GGT7: variants seen among roughly 807,000 people sequenced by gnomAD.
GGT7 encodes glutathione hydrolase 7.
GGT7 carries 30 observed loss-of-function variants against 69.2 expected under a neutral mutation model. The ratio of observed to expected loss-of-function variants is 0.43; its 90% CI spans 0.32 to 0.59. The LOEUF (loss-of-function observed/expected upper bound fraction) is 0.59, where lower values mean the gene tolerates loss of function less well. Among genes scored for constraint, GGT7 ranks in the 20% least tolerant of loss-of-function variants. The pLI, the probability that GGT7 is intolerant of heterozygous loss-of-function variation, is 0.05. For missense variants in GGT7, 733 were observed against 901.1 expected (o/e 0.81, Z 2.39); for synonymous variants, 388 against 391.8 (o/e 0.99, Z 0.12).
At chr20:34,846,546 G>A (rs975966410) in intron 14 of GGT7, among the ~76,000 whole-genome samples, 5 of 151,960 alleles carry the variant, frequency 3.3e-5, no homozygotes, top group African/African-American at 4.8e-5. Flanking sequence ...CTGACCTCAG[G>A]TGATCTGCCC....
intron 1 of GGT7, among the ~76,000 whole-genome samples, chr20:34,870,365 T>C (rs909764643): frequency 6.6e-6 from 1 of 152,208 alleles, no homozygotes; most frequent in African/African-American, 2.4e-5. Flanking sequence ...TGCTCTCTCC[T>C]ACCATTCTTT....
chr20:34,846,312 C>CTTTCTT (rs149165215), intron 14 of GGT7, among the ~76,000 whole-genome samples: 36 of 119,382 alleles, frequency 3.0e-4, no homozygotes, highest in Admixed American at 3.0e-3. Flanking sequence ...TTCTTTCTTT[C>CTTTCTT]TTTTTTTTGA....
At position 34,859,585 on chromosome 20, in the gene GGT7, G is replaced by T; in HGVS notation, c.872C>A (p.Thr291Lys). 6.2e-7 allele frequency: 1 copy of T among 1,603,328 alleles called. No homozygotes were observed. Among genetic ancestry groups the T allele is most frequent in the Non-Finnish European group, 8.5e-7 (1 of 1,175,256 alleles). Residue 291 changes from threonine (T) to lysine (K), a missense_variant, in exon 7 of 15, where the codon ACG (threonine) becomes AAG (lysine). Transcript: ENST00000336431. ...TGGCGGGCGGCCCGATGGCAGGAAC[G>T]TCTCCCGGAAGCGCTCGGACATGTT... ...PPNMSERFRETFLPSGRPPLP... is the reference protein window; with the variant it reads ...PPNMSERFREKFLPSGRPPLP...
At chr20:34,869,326 C>T (rs2079743493) in intron 1 of GGT7, among the ~76,000 whole-genome samples, 1 of 152,106 alleles carries the variant, frequency 6.6e-6, no homozygotes, top group African/African-American at 2.4e-5. Flanking sequence ...CATGCACCAC[C>T]ACACCTGGCT....
chr20:34,870,636 T>C (rs2079763067), intron 1 of GGT7, among the ~76,000 whole-genome samples: 1 of 151,702 alleles, frequency 6.6e-6, no homozygotes, highest in African/African-American at 2.4e-5. Flanking sequence ...GGCTAATTTT[T>C]TTTTTTTGTA....
At chr20:34,872,584 C>T in intron 1 of GGT7, 63 bp downstream of exon 1, 1 of 1,174,922 alleles carries the variant, frequency 8.5e-7, no homozygotes, top group Non-Finnish European at 1.1e-6. Context: ...GGATGCTTGA[C>T]ACAGAAGAAG....
rs759597912 is a variant in GGT7 at position 34,852,460 on chromosome 20, T to C, written c.1398A>G (p.Glu466=). Residue 466 remains glutamate (E), a synonymous_variant, in exon 11 of 15, where the codon GAA becomes GAG. Transcript: ENST00000336431. ...GGGCAGCCGTGGGAGCTCCGTCTAG[T>C]TCATAGACAGGCAGGAGTGGGGCAG... The part of the protein sequence containing the change: ...AAPAPLLPVY[E]LDGAPTAAQV... The C allele has an allele frequency of 6.2e-7, 1 of 1,613,090 alleles. No individual in the cohort carries two copies. Among genetic ancestry groups the C allele is most frequent in the Non-Finnish European group, 8.5e-7 (1 of 1,179,578 alleles).
At chr20:34,847,787 G>A (rs1489636647) in intron 14 of GGT7, among the ~76,000 whole-genome samples, 1 of 152,124 alleles carries the variant, frequency 6.6e-6, no homozygotes, top group Non-Finnish European at 1.5e-5. Flanking sequence ...ATGATATAAG[G>A]TCTATTTTTA....
intron 7 of GGT7, 101 bp downstream of exon 7, chr20:34,859,342 G>C: frequency 3.7e-6 from 3 of 810,810 alleles, no homozygotes; most frequent in Non-Finnish European, 5.6e-6. Context: ...AATATAGAAA[G>C]AAAGGGAGGG....
Position 34,863,853 on chromosome 20 carries a change from T to C in GGT7, c.170-305A>G. ...AGGGCTGAGAACACTTCCTGGGGGG[T>C]GGGGTGGGGGTTCCAGCCCTCAGTG... On this transcript the variant is annotated intron_variant, in intron 1 of 14. Coordinates refer to ENST00000336431, the MANE Select transcript of GGT7 (RefSeq NM_178026.3). This position sits in a 1 kb window ranked among gnomAD's most constrained non-coding sequence, Gnocchi z 4.4. 1.8e-6 allele frequency: 1 copy of C among 567,228 alleles called. No individual in the cohort carries two copies. Among genetic ancestry groups the C allele is most frequent in the South Asian group, 1.8e-5 (1 of 56,564 alleles). The allele number at this position is 567,228 out of a possible 1,614,324, so 35.1% of individuals were successfully genotyped here. A position where few individuals can be genotyped will look rare whatever the true frequency, so the allele number is the denominator to read the frequency against.
chr20:34,857,129 G>A (rs2079506799), intron 7 of GGT7, among the ~76,000 whole-genome samples: 1 of 152,136 alleles, frequency 6.6e-6, no homozygotes, highest in Admixed American at 6.6e-5. Flanking sequence ...TACATTCCAT[G>A]AATGACCTCC....
rs3746452 is a variant in GGT7, at chr20:34,856,843, G to A, written c.1065C>T (p.Ser355=). ...VITEEDFSNY[S]ALVEKPVCGV... is the part of the protein sequence containing the mutation. ...CACACACAGGCTTCTCCACAAGGGC[G>A]CTGTAATTGCTGAAGTCCTCTTCGG... The change falls in exon 8 of 15, where the codon AGC becomes AGT. Residue 355 remains serine, a synonymous_variant. Transcript: ENST00000336431. The A allele has an allele frequency of 2.6e-4, 419 of 1,611,464 alleles. 3 individuals carry two copies. In the East Asian group the frequency reaches 9.0e-3, roughly 34 times the overall value.
chr20:34,872,700 G>A lies in GGT7; in HGVS notation c.116C>T (p.Ala39Val). 6.8e-7 allele frequency: 1 copy of A among 1,480,144 alleles called. No individual in the cohort carries two copies. Among genetic ancestry groups the A allele is most frequent in the Non-Finnish European group, 8.9e-7 (1 of 1,119,812 alleles). The allele number at this position is 1,480,144 out of a possible 1,614,324, so 91.7% of individuals were successfully genotyped here. A position where few individuals can be genotyped will look rare whatever the true frequency, so the allele number is the denominator to read the frequency against. ...RLPEDEPAPA[A>V]PLRGRKDEDA... The stretch of plus-strand genomic sequence containing the variant: ...CTCGTCCTTGCGGCCCCTCAGCGGG[G>A]CCGCGGGCGCCGGCTCGTCCTCGGG... The change falls in exon 1 of 15, where the codon GCC becomes GTC. Residue 39 changes from alanine (A) to valine (V), a missense_variant. Transcript: ENST00000336431.
Position 34,862,938 on chromosome 20 carries a change from C to T in GGT7, c.433G>A (p.Asp145Asn). The T allele has an allele frequency of 2.5e-6, 4 of 1,613,624 alleles. No individual in the cohort carries two copies. Among genetic ancestry groups the T allele is most frequent in the South Asian group, 1.1e-5 (1 of 91,016 alleles). Residue 145 changes from aspartate to asparagine, a missense_variant, in exon 3 of 15, where the codon GAT becomes AAT. Physicochemically the swap from Asp to Asn is conservative, Grantham distance 23. Coordinates refer to ENST00000336431, the MANE Select transcript of GGT7 (RefSeq NM_178026.3). ...CCCAGTGAAGTGCAGCGGGCAGCAT[C>T]GGTCACCACGGCACCCTGCTGGAAG... ...QIFQQGAVVTDAARCTSLGIE... is the reference protein window; with the variant it reads ...QIFQQGAVVTNAARCTSLGIE...
intron 7 of GGT7, among the ~76,000 whole-genome samples, chr20:34,857,387 A>G (rs1357604139): frequency 6.6e-6 from 1 of 152,188 alleles, no homozygotes; most frequent in Non-Finnish European, 1.5e-5. Flanking sequence ...TAAAGCCACT[A>G]GAAAACCATG....
At position 34,862,795 on chromosome 20, in the gene GGT7, G is replaced by C. The variant is rs747592803; in HGVS notation, c.557+19C>G. The C allele has an allele frequency of 1.9e-6, 3 of 1,613,496 alleles. No individual in the cohort carries two copies. The African/African-American group carries it at 4.0e-5, about 22-fold the overall frequency. Reference sequence around the variant, plus strand: ...GCAAGAAGTAGGCCTGGGGGACCCCGACCTCCACTGCTCCTTACCCGCCCA... The same window carrying C: ...GCAAGAAGTAGGCCTGGGGGACCCCCACCTCCACTGCTCCTTACCCGCCCA... On this transcript the variant is annotated intron_variant, in intron 3 of 14. Transcript: ENST00000336431.
chr20:34,863,783 G>C lies in GGT7; in HGVS notation c.170-235C>G, dbSNP rs977230663. 1.4e-6 allele frequency: 1 copy of C among 702,608 alleles called. No individual in the cohort carries two copies. Among genetic ancestry groups the C allele is most frequent in the Non-Finnish European group, 2.7e-6 (1 of 376,060 alleles). The allele number at this position is 702,608 out of a possible 1,614,324, so 43.5% of individuals were successfully genotyped here. ...TGGGCAGCAGGGAGGCTGGATTCCC[G>C]CCCCTCCCTGATACCTAGGCCAAAT... On this transcript the variant is annotated intron_variant, in intron 1 of 14. Transcript: ENST00000336431. The surrounding 1 kb of genome is among the most constrained non-coding windows in gnomAD (Gnocchi z 4.4).
At chr20:34,869,505 A>G (rs1303201686) in intron 1 of GGT7, among the ~76,000 whole-genome samples, 1 of 152,178 alleles carries the variant, frequency 6.6e-6, no homozygotes, top group East Asian at 1.9e-4. Flanking sequence ...AGGGAGTGAC[A>G]TGACCAGAAG....
At chr20:34,869,118 G>C (rs7273470) in intron 1 of GGT7, among the ~76,000 whole-genome samples, 33,201 of 151,762 alleles carry the variant, frequency 0.22, 3,813 homozygotes, top group South Asian at 0.37. Context: ...CTGGCTTGTT[G>C]TTTATTCCCT....
Sources: gnomAD v4.1 joint callset for allele counts (sites outside exome capture counted in the v4.1 genomes callset) on GRCh38, gnomAD v4.1.1 for gene constraint, Gnocchi (gnomAD v3.1) non-coding constraint, MANE v1.5 for transcripts, NCBI Gene and HGNC (gene_info 2026-07-23, HGNC 2026-07-21) for gene names.